BACE1: variants seen among roughly 807,000 people sequenced by gnomAD.
BACE1 encodes the protein beta-secretase 1.
A neutral mutation model predicts 54.0 loss-of-function variants in BACE1; 21 were observed. The observed-to-expected ratio is 0.39, with a 90% confidence interval of 0.28 to 0.56. BACE1 has a LOEUF of 0.56. Among genes scored for constraint, BACE1 ranks in the 20% least tolerant of loss-of-function variants. The probability of loss-of-function intolerance (pLI) is 0.63; values close to 1 mark genes in which losing one functional copy is unlikely to be tolerated. For synonymous variants in BACE1, 232 were observed against 260.9 expected, an observed-to-expected ratio of 0.89 and a Z score of 1.07; for missense variants, 511 against 661.2, an observed-to-expected ratio of 0.77 and a Z score of 2.49.
chr11:117,294,017 G>A lies in BACE1; in HGVS notation c.568-9C>T, dbSNP rs778041645. 8 of 1,612,486 alleles carry A rather than the reference G, an allele frequency of 5.0e-6. No individual in the cohort carries two copies. The highest frequency in any genetic ancestry group is 3.4e-6 in the Non-Finnish European group (4 of 1,179,278). ...TCCAGGGAGTCGTCAGGCTTTGGCA[G>A]AAAGAGACAAGGAGTGAGTCCTCAT... On this transcript the variant is annotated splice_polypyrimidine_tract_variant and intron_variant, in intron 3 of 8. Coordinates refer to ENST00000313005, the MANE Select transcript of BACE1 (RefSeq NM_012104.6).
At chr11:117,291,184 C>T in intron 6 of BACE1, 135 bp from the exon 7 acceptor site, 3 of 1,053,658 alleles carry the variant, frequency 2.8e-6, no homozygotes, top group African/African-American at 1.6e-5. Context: ...GGTAAACCAA[C>T]CAGAGGATTA....
At position 117,293,259 on chromosome 11, in the gene BACE1, A is replaced by G. The variant is rs1038584114; in HGVS notation, c.706-71T>C. 7 of 1,539,442 alleles carry G rather than the reference A, an allele frequency of 4.5e-6. No homozygotes were observed. The highest frequency in any genetic ancestry group is 2.3e-5 in the East Asian group (1 of 42,920). ...GAGTGAGTCCCCCAAGGACCAAGCA[A>G]TAAGATCAGTGATTTCTTGGGGTGG... On this transcript the variant is annotated intron_variant, in intron 4 of 8. Coordinates refer to ENST00000313005, the MANE Select transcript of BACE1 (RefSeq NM_012104.6). The surrounding 1 kb of genome is among the most constrained non-coding windows in gnomAD (Gnocchi z 4.1).
Position 117,287,947 on chromosome 11 carries a change from C to A in BACE1, c.*1619G>T, listed in dbSNP as rs185295326. The A allele has an allele frequency of 6.6e-6, 1 of 152,596 alleles. No homozygotes were observed. The highest frequency in any genetic ancestry group is 1.5e-5 in the Non-Finnish European group (1 of 68,034). 9.5% of individuals were successfully genotyped at this position (152,596 alleles called of 1,614,324 possible). On this transcript the variant is annotated 3_prime_UTR_variant, in exon 9 of 9. Transcript: ENST00000313005. ...TAGCAGGTCCCATACCTGGAAGCAG[C>A]GGGTTGACCAGGTAGGAGTAGGATG...
chr11:117,307,514 G>A (rs765762914), intron 1 of BACE1, among the ~76,000 whole-genome samples: 5 of 152,148 alleles, frequency 3.3e-5, no homozygotes, highest in African/African-American at 1.2e-4. Flanking sequence ...GTTTCACCAC[G>A]TTGGCCATGC....
At chr11:117,312,037 G>A (rs2034953413) in intron 1 of BACE1, among the ~76,000 whole-genome samples, 1 of 152,164 alleles carries the variant, frequency 6.6e-6, no homozygotes, top group Non-Finnish European at 1.5e-5. Context: ...TATATCTGAA[G>A]GCCAAAGTCC....
rs780202200 is a variant in BACE1 at position 117,291,827 on chromosome 11, G to T, written c.841-14C>A. ...GTCATAGTTGTACTAAGAGGGAAAA[G>T]AGAGAGTTAAAAGAGTCAAAAGGTT... On this transcript the variant is annotated splice_polypyrimidine_tract_variant and intron_variant, in intron 5 of 8. Transcript: ENST00000313005. The T allele has an allele frequency of 1.1e-5, 18 of 1,590,916 alleles. No individual in the cohort carries two copies. The highest frequency in any genetic ancestry group is 9.9e-5 in the South Asian group (9 of 90,582).
intron 7 of BACE1, 41 bp from the exon 8 acceptor site, chr11:117,290,700 T>A: frequency 6.2e-7 from 1 of 1,606,664 alleles, no homozygotes; most frequent in African/African-American, 1.3e-5. Flanking sequence ...TTCCTCACTC[T>A]CCTTCACCCC....
At chr11:117,304,415 C>T (rs1462765390) in intron 1 of BACE1, among the ~76,000 whole-genome samples, 1 of 152,202 alleles carries the variant, frequency 6.6e-6, no homozygotes, top group African/African-American at 2.4e-5. Context: ...TTGTTTGGGC[C>T]ACTAAATTTT....
Position 117,293,143 on chromosome 11 carries a change from A to G in BACE1, c.751T>C (p.Tyr251His). The G allele has an allele frequency of 6.2e-7, 1 of 1,614,124 alleles. No individual in the cohort carries two copies. The highest frequency in any genetic ancestry group is 8.5e-7 in the Non-Finnish European group (1 of 1,180,002). Residue 251 changes from tyrosine to histidine, a missense_variant, in exon 5 of 9, where the codon TAT becomes CAT. By Grantham distance (83) the Tyr-to-His change is moderately conservative (BLOSUM62 2). Around this residue, in one of 2 missense-constraint regions of BACE1, gnomAD observed 407 missense variants for 565.7 expected, o/e 0.72. Transcript: ENST00000313005. This position sits in a 1 kb window ranked among gnomAD's most constrained non-coding sequence, Gnocchi z 4.1. ...TACCACTCCCGCCGGATGGGTGTAT[A>G]CCAGAGACTGCCTGTGTACAGCGAG... is the stretch of plus-strand genomic sequence containing the variant. ...DHSLYTGSLW[Y>H]TPIRREWYYE...
At chr11:117,295,705 C>G (rs2034582124) in intron 2 of BACE1, 2 of 1,477,960 alleles carry the variant, frequency 1.4e-6, no homozygotes, top group African/African-American at 2.8e-5. Flanking sequence ...CCGTCAAGCT[C>G]CCCGAGAAAA....
chr11:117,300,268 TACAC>T (rs767943811), intron 1 of BACE1, among the ~76,000 whole-genome samples: 1 of 151,914 alleles, frequency 6.6e-6, no homozygotes, highest in African/African-American at 2.4e-5. Flanking sequence ...CTCTCCACCT[TACAC>T]ACACACACAA....
rs1284340285 is a variant in BACE1 at position 117,289,825 on chromosome 11, G to A, written c.1265-18C>T. ...ATCGTGCACTGGGGAGAGGGCAAAT[G>A]TGAATGGACAGCTCTCATTGTCATA... On this transcript the variant is annotated intron_variant, in intron 8 of 8. Coordinates refer to ENST00000313005, the MANE Select transcript of BACE1 (RefSeq NM_012104.6). 6.2e-7 allele frequency: 1 copy of A among 1,605,148 alleles called. No individual in the cohort carries two copies. Among genetic ancestry groups the A allele is most frequent in the Non-Finnish European group, 8.5e-7 (1 of 1,172,132 alleles).
At position 117,316,175 on chromosome 11, in the gene BACE1, G is replaced by A. The variant is rs2035118871; in HGVS notation, c.-380C>T. 1.0e-5 allele frequency: 4 copies of A among 400,166 alleles called. No individual in the cohort carries two copies. In the South Asian group the frequency reaches 3.5e-4, roughly 35 times the overall value. The allele number at this position is 400,166 out of a possible 1,614,324, so 24.8% of individuals were successfully genotyped here. A position where few individuals can be genotyped will look rare whatever the true frequency, so the allele number is the denominator to read the frequency against. On this transcript the variant is annotated 5_prime_UTR_variant, in exon 1 of 9. Transcript: ENST00000313005. ...AGGGGCAAGGGCTCCGGGCTCCTGC[G>A]GCTGCGTTGGCTGCTCAGGCCACCA...
Position 117,309,269 on chromosome 11 carries a change from T to C in BACE1, c.261+6266A>G, listed in dbSNP as rs149126929. Reference sequence around the variant, plus strand: ...GAAGCTGTTTTCCTGGAACTAAAATTAGACGATATCATCCCTCTTCTCGTA... The same window carrying C: ...GAAGCTGTTTTCCTGGAACTAAAATCAGACGATATCATCCCTCTTCTCGTA... On this transcript the variant is annotated intron_variant, in intron 1 of 8. Transcript: ENST00000313005. 2.0e-3 allele frequency among the ~76,000 whole-genome samples: 300 copies of C among 152,288 alleles called. 1 individual carries two copies. Among genetic ancestry groups the C allele is most frequent in the Non-Finnish European group, 3.6e-3 (247 of 68,032 alleles).
intron 1 of BACE1, among the ~76,000 whole-genome samples, chr11:117,309,622 C>T (rs1218811564): frequency 1.3e-5 from 2 of 152,214 alleles, no homozygotes; most frequent in African/African-American, 2.4e-5. Flanking sequence ...GAAGTAGCTG[C>T]TTCTCTCTGT....
chr11:117,290,874 T>A, intron 7 of BACE1, 26 bp downstream of exon 7: 2 of 1,609,686 alleles, frequency 1.2e-6, no homozygotes, highest in Non-Finnish European at 8.5e-7. Context: ...TTAAGAGAGA[T>A]CCCCCTGACT....
chr11:117,294,300 T>A, intron 3 of BACE1: 1 of 199,418 alleles, frequency 5.0e-6, no homozygotes, highest in Non-Finnish European at 1.0e-5. Flanking sequence ...CACTGCAACC[T>A]TCACCTCCTG....
In BACE1 at chr11:117,315,462, C is replaced by T. The variant is rs28917235; in HGVS notation, c.261+73G>A. 1.7e-3 allele frequency: 2,559 copies of T among 1,530,252 alleles called. 40 individuals carry two copies. The African/African-American group carries it at 0.034, about 20-fold the overall frequency. The allele number at this position is 1,530,252 out of a possible 1,614,324, so 94.8% of individuals were successfully genotyped here. On this transcript the variant is annotated intron_variant, in intron 1 of 8. Transcript: ENST00000313005. The surrounding 1 kb of genome is among the most constrained non-coding windows in gnomAD (Gnocchi z 5.5). Reference sequence around the variant, plus strand: ...ACCAGCCCATTTGAGCAGGGGCTAGCTTGAGGCATCCCCATCCTGTCTCCC... The same window carrying T: ...ACCAGCCCATTTGAGCAGGGGCTAGTTTGAGGCATCCCCATCCTGTCTCCC...
chr11:117,290,806 G>C, intron 7 of BACE1, 94 bp downstream of exon 7: 2 of 1,558,638 alleles, frequency 1.3e-6, no homozygotes, highest in South Asian at 2.4e-5. Flanking sequence ...CTACTCATCT[G>C]TTTTGTCTTC....
Sources: allele counts gnomAD v4.1 joint callset (sites outside exome capture counted in the v4.1 genomes callset), GRCh38; gene constraint gnomAD v4.1.1; regional missense constraint gnomAD v4.1.1; non-coding constraint Gnocchi (gnomAD v3.1); transcripts MANE v1.5; gene names NCBI Gene and HGNC (gene_info 2026-07-23, HGNC 2026-07-21).